CCDC73: variants seen among roughly 807,000 people sequenced by gnomAD.
The protein encoded by CCDC73 is coiled-coil domain containing 73, also known as coiled-coil domain-containing protein 73.
CCDC73 carries 95 observed loss-of-function variants against 116.5 expected under a neutral mutation model. The ratio of observed to expected loss-of-function variants is 0.82; its 90% confidence interval spans 0.69 to 0.97. CCDC73 has a LOEUF of 0.97. Among genes scored for constraint, CCDC73 ranks in the 50% least tolerant of loss-of-function variants. The pLI is 0.00. For synonymous variants in CCDC73, 398 were observed against 401.3 expected, an observed-to-expected ratio of 0.99 and a Z score of 0.10; for missense variants, 1,066 against 1,206.8, an observed-to-expected ratio of 0.88 and a Z score of 1.73.
intron 1 of CCDC73, among the ~76,000 whole-genome samples, chr11:32,790,715 AAT>A (rs1025805136): frequency 5.3e-5 from 8 of 152,112 alleles, no homozygotes; most frequent in Non-Finnish European, 1.0e-4. Context: ...GAAATTTAAA[AAT>A]AGTTAAAACA....
At chr11:32,664,765 G>T (rs1314968424) in intron 9 of CCDC73, among the ~76,000 whole-genome samples, 1 of 152,036 alleles carries the variant, frequency 6.6e-6, no homozygotes, top group Non-Finnish European at 1.5e-5. Flanking sequence ...GTCAATTTTA[G>T]ATCTTTCCTG....
chr11:32,803,288 A>G, the CCDC73 span, among the ~76,000 whole-genome samples: 5 of 151,658 alleles, frequency 3.3e-5, no homozygotes, highest in Admixed American at 1.3e-4. Context: ...ACGGGGCTTC[A>G]CCATGTTGGC....
intron 2 of CCDC73, among the ~76,000 whole-genome samples, chr11:32,744,537 C>A (rs1475482720): frequency 6.6e-6 from 1 of 152,168 alleles, no homozygotes; most frequent in Non-Finnish European, 1.5e-5. Flanking sequence ...CCGTCTGGTC[C>A]TGGACTTTCT....
At chr11:32,773,546 G>C (rs1033054697) in intron 1 of CCDC73, among the ~76,000 whole-genome samples, 17 of 152,028 alleles carry the variant, frequency 1.1e-4, no homozygotes, top group Admixed American at 1.3e-4. Flanking sequence ...TTGGAAGGTT[G>C]AGGCAGGAGG....
intron 8 of CCDC73, 38 bp downstream of exon 8, chr11:32,675,848 T>A: frequency 6.7e-7 from 1 of 1,495,920 alleles, no homozygotes; most frequent in Non-Finnish European, 9.1e-7. Flanking sequence ...TCAAACATTC[T>A]CTACTGAATA....
chr11:32,758,508 T>C (rs974848395), intron 2 of CCDC73: 4 of 461,058 alleles, frequency 8.7e-6, no homozygotes, highest in Non-Finnish European at 1.7e-5. Context: ...GGTGGTTCCA[T>C]GTATGCTAAT....
At chr11:32,650,888 A>C (rs916983774) in intron 12 of CCDC73, among the ~76,000 whole-genome samples, 1 of 152,152 alleles carries the variant, frequency 6.6e-6, no homozygotes, top group Non-Finnish European at 1.5e-5. Flanking sequence ...ACAGGGAAAA[A>C]AGTGCTACTA....
intron 2 of CCDC73, among the ~76,000 whole-genome samples, chr11:32,745,043 G>A (rs1484488990): frequency 1.3e-5 from 2 of 152,122 alleles, no homozygotes; most frequent in African/African-American, 4.8e-5. Flanking sequence ...TGGGCATTTA[G>A]TGATATAAAT....
chr11:32,628,328 A>T (rs1359958255), intron 14 of CCDC73, among the ~76,000 whole-genome samples: 1 of 152,226 alleles, frequency 6.6e-6, no homozygotes, highest in Non-Finnish European at 1.5e-5. Flanking sequence ...ATCGGAATTT[A>T]GAGAGGCTAA....
chr11:32,814,282 G>A, the CCDC73 span, among the ~76,000 whole-genome samples: 1 of 152,120 alleles, frequency 6.6e-6, no homozygotes, highest in Admixed American at 6.5e-5. Context: ...AACATTGACG[G>A]GCCCTACTAA....
chr11:32,798,573 TG>T (rs1319402006), upstream of CCDC73, among the ~76,000 whole-genome samples: 1 of 152,268 alleles, frequency 6.6e-6, no homozygotes, highest in Non-Finnish European at 1.5e-5. Flanking sequence ...CCCAAAGTGC[TG>T]GGATTACAGG....
At chr11:32,688,299 G>A (rs979540267) in intron 6 of CCDC73, among the ~76,000 whole-genome samples, 11 of 152,100 alleles carry the variant, frequency 7.2e-5, no homozygotes, top group African/African-American at 2.7e-4. Context: ...TACATAAACT[G>A]AATCTAACCA....
chr11:32,808,903 T>C, the CCDC73 span, among the ~76,000 whole-genome samples: 158 of 152,354 alleles, frequency 1.0e-3, no homozygotes, highest in African/African-American at 3.4e-3. Context: ...ATTCTGCCAG[T>C]ACTTTTTTCT....
chr11:32,823,802 C>T, the CCDC73 span, among the ~76,000 whole-genome samples: 3 of 152,128 alleles, frequency 2.0e-5, no homozygotes, highest in East Asian at 1.9e-4. Context: ...TGCAGTGGTG[C>T]AATCATAACT....
chr11:32,627,568 C>A (rs1051765094), intron 14 of CCDC73, among the ~76,000 whole-genome samples: 2 of 152,158 alleles, frequency 1.3e-5, no homozygotes, highest in Non-Finnish European at 2.9e-5. Flanking sequence ...TTGGAACCAA[C>A]CCAAATGTCC....
At chr11:32,736,582 C>A (rs1850131149) in intron 2 of CCDC73, among the ~76,000 whole-genome samples, 1 of 152,058 alleles carries the variant, frequency 6.6e-6, no homozygotes, top group South Asian at 2.1e-4. Flanking sequence ...ACTAGTTCAA[C>A]CATTGTGGAA....
In CCDC73 at chr11:32,614,635, G is replaced by A. The variant is rs754126003; in HGVS notation, c.1683C>T (p.His561=). The change falls in exon 16 of 18, where the codon CAC becomes CAT. Residue 561 remains histidine, a synonymous_variant. Transcript: ENST00000335185. ...HLERTRGLDV[H]HTDVNLEVEN... ...CAACCTCCAGATTTACATCTGTATG[G>A]TGAACATCTAATCCTCTGGTTCTTT... 6.2e-7 allele frequency: 1 copy of A among 1,612,572 alleles called. No individual in the cohort carries two copies.
intron 7 of CCDC73, chr11:32,679,834 T>C (rs1469366439): frequency 1.3e-5 from 2 of 152,212 alleles, no homozygotes; most frequent in African/African-American, 2.4e-5. Flanking sequence ...TTCTGTTAAC[T>C]AAAAATGTAG....
At chr11:32,760,676 C>T (rs893557602) in intron 1 of CCDC73, among the ~76,000 whole-genome samples, 35 of 152,248 alleles carry the variant, frequency 2.3e-4, no homozygotes, top group African/African-American at 6.7e-4. Context: ...AGTTGGAAGA[C>T]GAAGGCTGGA....
Sources: gnomAD v4.1 joint callset for allele counts (sites outside exome capture counted in the v4.1 genomes callset) on GRCh38, gnomAD v4.1.1 for gene constraint, MANE v1.5 for transcripts, NCBI Gene and HGNC (gene_info 2026-07-23, HGNC 2026-07-21) for gene names.